The following OCLN variants were observed in gnomAD, a reference collection of about 807,000 sequenced individuals.
OCLN encodes the protein occludin.
Under a neutral mutation model 47.9 loss-of-function variants are expected in OCLN, and 21 were observed. The observed-to-expected ratio is 0.44, with a 90% CI of 0.31 to 0.63. The LOEUF is 0.63. Ranked by LOEUF, OCLN falls within the 30% of genes least tolerant of loss-of-function variation. The pLI is 0.08. For missense variants in OCLN, 360 were observed against 571.0 expected (o/e 0.63, Z 3.77); for synonymous variants, 117 against 198.4 (o/e 0.59, Z 3.45).
intron 1 of OCLN, among the ~76,000 whole-genome samples, chr5:69,501,341 A>C (rs1173843736): frequency 2.0e-5 from 3 of 152,228 alleles, no homozygotes; most frequent in Non-Finnish European, 4.4e-5. Flanking sequence ...TAGAATATAG[A>C]GAAATTGGCC....
intron 7 of OCLN, among the ~76,000 whole-genome samples, chr5:69,550,005 G>T (rs1273618428): frequency 1.4e-5 from 2 of 146,218 alleles, no homozygotes; most frequent in Admixed American, 1.4e-4. Flanking sequence ...CAATAATAAA[G>T]ACCTACTTAC....
chr5:69,537,078 A>G (rs1769609581), intron 5 of OCLN, among the ~76,000 whole-genome samples: 1 of 150,764 alleles, frequency 6.6e-6, no homozygotes, highest in Non-Finnish European at 1.5e-5. Context: ...GAGGGATCAT[A>G]CTTGAGCCCG....
At position 69,533,108 on chromosome 5, in the gene OCLN, C is replaced by CACACAT. The variant is rs1554055366; in HGVS notation, c.892-1585_892-1584insCACATA. ...ATATATACACACACACACACACACACATATATATATACACACACACACACA... is the reference window on the plus strand; with the variant it reads ...ATATATACACACACACACACACACACACACATATATATATATACACACACACACACA... On this transcript the variant is annotated intron_variant, in intron 4 of 8. Coordinates refer to ENST00000396442, the MANE Select transcript of OCLN (RefSeq NM_001205254.2). Among the ~76,000 whole-genome samples, 103 of 146,970 alleles carry CACACAT rather than the reference C, an allele frequency of 7.0e-4. 1 individual carries two copies. The highest frequency in any genetic ancestry group is 3.0e-3 in the South Asian group (14 of 4,742).
intron 1 of OCLN, among the ~76,000 whole-genome samples, chr5:69,497,633 G>A (rs563434681): frequency 1.8e-4 from 27 of 151,836 alleles, no homozygotes; most frequent in Admixed American, 1.1e-3. Context: ...CACCCGCCTC[G>A]TCCTCCCAAA....
intron 1 of OCLN, among the ~76,000 whole-genome samples, chr5:69,496,289 G>A (rs1056038843): frequency 3.3e-5 from 5 of 151,856 alleles, no homozygotes; most frequent in African/African-American, 1.2e-4. Context: ...TAATAGAGGC[G>A]GGGTTTCACT....
intron 3 of OCLN, among the ~76,000 whole-genome samples, chr5:69,512,083 C>T (rs1768806154): frequency 6.7e-6 from 1 of 149,442 alleles, no homozygotes; most frequent in Non-Finnish European, 1.5e-5. Flanking sequence ...TTTAATTTTT[C>T]TTCTGTTGCT....
intron 3 of OCLN, among the ~76,000 whole-genome samples, chr5:69,512,885 T>G (rs1326384906): frequency 1.3e-5 from 2 of 152,186 alleles, no homozygotes; most frequent in East Asian, 1.9e-4. Context: ...TTTTTTCCCT[T>G]GTTTTTCCTT....
intron 4 of OCLN, among the ~76,000 whole-genome samples, chr5:69,528,855 C>A (rs1769353246): frequency 6.6e-6 from 1 of 152,150 alleles, no homozygotes; most frequent in Non-Finnish European, 1.5e-5. Flanking sequence ...GGCTTTTGCA[C>A]ATTGCTAGAC....
At chr5:69,497,364 C>G (rs942150463) in intron 1 of OCLN, among the ~76,000 whole-genome samples, 7 of 145,514 alleles carry the variant, frequency 4.8e-5, no homozygotes, top group African/African-American at 7.5e-5. Context: ...AATCATTTGT[C>G]TTAAGACATG....
rs571669077 is a variant in OCLN, at chr5:69,521,775, T to A, written c.891+7666T>A. Among the ~76,000 whole-genome samples the A allele has an allele frequency of 5.3e-5, 8 of 152,362 alleles. No homozygotes were observed. In the South Asian group the frequency reaches 1.7e-3, roughly 32 times the overall value. On this transcript the variant is annotated intron_variant, in intron 4 of 8. Coordinates refer to ENST00000396442, the MANE Select transcript of OCLN (RefSeq NM_001205254.2). ...TCTGGTTATTATCTGTCATTAATTT[T>A]TGTTAATCCAGTAAGTAAAAATAAA... is the stretch of plus-strand genomic sequence containing the variant.
chr5:69,492,639 A>G (rs1472222356), upstream of OCLN: 1 of 152,286 alleles, frequency 6.6e-6, no homozygotes, highest in East Asian at 1.9e-4. Flanking sequence ...AGCGCCGAGG[A>G]GCCGGTCTAG....
At chr5:69,549,340 C>CAAAAA (rs1172698181) in intron 7 of OCLN, among the ~76,000 whole-genome samples, 43 of 51,510 alleles carry the variant, frequency 8.3e-4, no homozygotes, top group East Asian at 1.3e-3. Flanking sequence ...GACTCCATCT[C>CAAAAA]AAAAAAAAAA....
chr5:69,515,280 GC>G (rs1403709921), intron 4 of OCLN, among the ~76,000 whole-genome samples: 1 of 141,468 alleles, frequency 7.1e-6, no homozygotes, highest in African/African-American at 2.6e-5. Flanking sequence ...CGGGCGGGGG[GC>G]TGACCCCCCC....
In OCLN at chr5:69,554,279, TTAAATAA is replaced by T. The variant is rs1473034804; in HGVS notation, c.*613_*619del. ...TATAAATGGTTAAAAGAGGTTTTTC[TTAAATAA>T]TAAAGATCATGTAAAAGTAACAAAT... On this transcript the variant is annotated 3_prime_UTR_variant, in exon 9 of 9. Coordinates refer to ENST00000396442, the MANE Select transcript of OCLN (RefSeq NM_001205254.2). 1 of 148,952 alleles carries T rather than the reference TTAAATAA, an allele frequency of 6.7e-6. No homozygotes were observed. Among genetic ancestry groups the T allele is most frequent in the Non-Finnish European group, 1.5e-5 (1 of 67,154 alleles). The allele number at this position is 148,952 out of a possible 1,614,324, so 9.2% of individuals were successfully genotyped here.
chr5:69,537,300 C>T (rs1468965488), intron 5 of OCLN, among the ~76,000 whole-genome samples: 2 of 51,062 alleles, frequency 3.9e-5, no homozygotes, highest in Non-Finnish European at 7.4e-5. Context: ...CAGGCTCAAG[C>T]GATCTTCCCA....
intron 1 of OCLN, among the ~76,000 whole-genome samples, chr5:69,495,606 C>T (rs973439554): frequency 1.3e-5 from 2 of 152,180 alleles, no homozygotes; most frequent in African/African-American, 4.8e-5. Context: ...ATTGAGTACT[C>T]ATTGACAATC....
chr5:69,517,709 T>TA (rs548887902), intron 4 of OCLN, among the ~76,000 whole-genome samples: 160 of 152,264 alleles, frequency 1.1e-3, no homozygotes, highest in African/African-American at 3.6e-3. Context: ...GAAGCAGTCT[T>TA]AGGAAAGCCA....
intron 1 of OCLN, among the ~76,000 whole-genome samples, chr5:69,501,685 T>C (rs1044643994): frequency 2.0e-5 from 3 of 152,142 alleles, no homozygotes; most frequent in Non-Finnish European, 4.4e-5. Context: ...CAGGGCTGTG[T>C]ACACTTATGA....
At chr5:69,514,236 GT>G in intron 4 of OCLN, 127 bp downstream of exon 4, 1 of 856,734 alleles carries the variant, frequency 1.2e-6, no homozygotes, top group Non-Finnish European at 1.9e-6. Context: ...TGTTGCATTG[GT>G]TTTTACTCAG....
Sources: allele counts gnomAD v4.1 joint callset (sites outside exome capture counted in the v4.1 genomes callset), GRCh38; gene constraint gnomAD v4.1.1; transcripts MANE v1.5; gene names NCBI Gene and HGNC (gene_info 2026-07-23, HGNC 2026-07-21).